HACD1: variants seen among roughly 807,000 people sequenced by gnomAD.
HACD1 encodes the protein very-long-chain (3R)-3-hydroxyacyl-CoA dehydratase 1.
A neutral mutation model predicts 32.0 loss-of-function variants in HACD1; 41 were observed. The ratio of observed to expected loss-of-function variants is 1.28; its 90% CI spans 1.00 to 1.66. HACD1 has a LOEUF of 1.66. Among genes scored for constraint, HACD1 ranks in the 40% most tolerant of loss-of-function variants. The pLI is 0.00. For missense variants in HACD1, 396 were observed against 380.1 expected (o/e 1.04, Z -0.35); for synonymous variants, 142 against 139.0 (o/e 1.02, Z -0.15).
chr10:17,590,825 C>T (rs1833919581), intron 6 of HACD1, among the ~76,000 whole-genome samples: 1 of 152,080 alleles, frequency 6.6e-6, no homozygotes, highest in South Asian at 2.1e-4. Flanking sequence ...GCATGCATCA[C>T]CACCACACCT....
chr10:17,609,856 C>T (rs368282740), intron 1 of HACD1, among the ~76,000 whole-genome samples: 9 of 151,848 alleles, frequency 5.9e-5, no homozygotes, highest in South Asian at 4.2e-4. Flanking sequence ...TGGTGGTGCA[C>T]GCCTGGAGTC....
intron 1 of HACD1, among the ~76,000 whole-genome samples, chr10:17,605,771 T>G (rs1201838466): frequency 6.6e-6 from 1 of 151,526 alleles, no homozygotes; most frequent in Non-Finnish European, 1.5e-5. Context: ...CTGGCCAACA[T>G]AGCAAAACCC....
At chr10:17,592,231 C>T (rs1833938523) in intron 6 of HACD1, among the ~76,000 whole-genome samples, 1 of 151,938 alleles carries the variant, frequency 6.6e-6, no homozygotes, top group African/African-American at 2.4e-5. Flanking sequence ...ATCCTCCCAC[C>T]TTGGCCTCCC....
chr10:17,614,941 A>T (rs879974432), intron 1 of HACD1, among the ~76,000 whole-genome samples: 1 of 151,724 alleles, frequency 6.6e-6, no homozygotes, highest in Non-Finnish European at 1.5e-5. Context: ...TTTAGTAGAG[A>T]CGGGGTTTCG....
Position 17,602,367 on chromosome 10 carries a change from G to A in HACD1, c.483+1193C>T, listed in dbSNP as rs560804018. On this transcript the variant is annotated intron_variant, in intron 4 of 6. Coordinates refer to ENST00000361271, the MANE Select transcript of HACD1 (RefSeq NM_014241.4). ...ATTACAGGCTTGTGCCACCTCGCCC[G>A]GCCCTGTCATGGGTTTAAAATGCCC... is the stretch of plus-strand genomic sequence containing the variant. Among the ~76,000 whole-genome samples, 7 of 152,154 alleles carry A rather than the reference G, an allele frequency of 4.6e-5. No individual in the cohort carries two copies. In the East Asian group the frequency reaches 1.2e-3, roughly 25 times the overall value.
At chr10:17,604,085 T>A in intron 1 of HACD1, 38 bp from the exon 2 acceptor site, 1 of 1,339,796 alleles carries the variant, frequency 7.5e-7, no homozygotes. Context: ...TCTTTCGAAC[T>A]TAATACCACT....
intron 1 of HACD1, among the ~76,000 whole-genome samples, chr10:17,613,729 G>A (rs542790390): frequency 1.3e-5 from 2 of 152,276 alleles, no homozygotes; most frequent in East Asian, 3.9e-4. Flanking sequence ...AGGGTCAGAG[G>A]GACAGAATGG....
At chr10:17,613,536 C>T (rs1554817736) in intron 1 of HACD1, among the ~76,000 whole-genome samples, 1 of 152,174 alleles carries the variant, frequency 6.6e-6, no homozygotes, top group Non-Finnish European at 1.5e-5. Flanking sequence ...CCTGAAATGT[C>T]TACTCTCTAT....
intron 1 of HACD1, among the ~76,000 whole-genome samples, chr10:17,611,004 T>C (rs1554817442): frequency 6.1e-5 from 9 of 147,784 alleles, no homozygotes; most frequent in Non-Finnish European, 3.0e-5. Context: ...CTCTTCTTTT[T>C]TTTTTTTTTT....
intron 1 of HACD1, 81 bp from the exon 2 acceptor site, chr10:17,604,128 T>C: frequency 1.9e-6 from 2 of 1,058,652 alleles, no homozygotes; most frequent in Non-Finnish European, 2.8e-6. Flanking sequence ...GCAGCGTTAT[T>C]CAAAATAGTG....
intron 6 of HACD1, among the ~76,000 whole-genome samples, chr10:17,590,917 C>T (rs1302106803): frequency 6.6e-6 from 1 of 152,140 alleles, no homozygotes; most frequent in Non-Finnish European, 1.5e-5. Context: ...TCAAGTGATC[C>T]GCCTGCCTCG....
At position 17,617,265 on chromosome 10, in the gene HACD1, C is replaced by T; in HGVS notation, c.75G>A (p.Thr25=). 2 of 1,472,902 alleles carry T rather than the reference C, an allele frequency of 1.4e-6. No homozygotes were observed. Among genetic ancestry groups the T allele is most frequent in the South Asian group, 1.3e-5 (1 of 77,832 alleles). 91.2% of individuals were successfully genotyped at this position (1,472,902 alleles called of 1,614,324 possible). A position where few individuals can be genotyped will look rare whatever the true frequency, so the allele number is the denominator to read the frequency against. Residue 25 remains threonine, a synonymous_variant, in exon 1 of 7, where the codon ACG becomes ACA. Transcript: ENST00000361271. ...GGGACGTGGGAGACAGCGGCAGGAGCGTGGGAGGGGACCCTGCCCAGCCTG... is the reference window on the plus strand; with the variant it reads ...GGGACGTGGGAGACAGCGGCAGGAGTGTGGGAGGGGACCCTGCCCAGCCTG... ...RAAGWAGSPP[T]LLPLSPTSPR... is the part of the protein sequence containing the mutation.
At position 17,617,160 on chromosome 10, in the gene HACD1, C is replaced by CT; in HGVS notation, c.179dup (p.Ala61GlyfsTer49). The CT allele has an allele frequency of 1.3e-6, 2 of 1,506,028 alleles. No homozygotes were observed. Among genetic ancestry groups the CT allele is most frequent in the African/African-American group, 2.9e-5 (2 of 69,348 alleles). 93.3% of individuals were successfully genotyped at this position (1,506,028 alleles called of 1,614,324 possible). ...CCAGGCGCCTCCGCTCGCCGGGAGCCTCCCGGTCCTCGCCGGCCTCCGAGG... is the reference window on the plus strand; with the variant it reads ...CCAGGCGCCTCCGCTCGCCGGGAGCCTTCCCGGTCCTCGCCGGCCTCCGAGG... On this transcript the variant is annotated frameshift_variant, in exon 1 of 7. Coordinates refer to ENST00000361271, the MANE Select transcript of HACD1 (RefSeq NM_014241.4). LOFTEE classifies it high-confidence loss of function.
intron 1 of HACD1, among the ~76,000 whole-genome samples, chr10:17,605,834 G>T (rs782591277): frequency 9.9e-5 from 15 of 152,088 alleles, no homozygotes; most frequent in African/African-American, 3.1e-4. Context: ...GGCACCTATA[G>T]TGCCAGCTAC....
chr10:17,604,750 G>A (rs1366029134), intron 1 of HACD1, among the ~76,000 whole-genome samples: 1 of 152,160 alleles, frequency 6.6e-6, no homozygotes, highest in Non-Finnish European at 1.5e-5. Flanking sequence ...CTGTCACCCT[G>A]GCTGAAGGGC....
intron 1 of HACD1, among the ~76,000 whole-genome samples, chr10:17,604,537 T>G (rs937552660): frequency 1.5e-4 from 22 of 151,248 alleles, no homozygotes; most frequent in African/African-American, 5.3e-4. Flanking sequence ...ATATTAGCCT[T>G]AAAAAGAAAA....
chr10:17,595,338 G>C (rs1192893544), intron 5 of HACD1, among the ~76,000 whole-genome samples: 5 of 152,088 alleles, frequency 3.3e-5, no homozygotes, highest in Non-Finnish European at 5.9e-5. Context: ...ATTTTTAAGA[G>C]GCATTTGAAA....
At chr10:17,616,988 C>T in intron 1 of HACD1, 95 bp downstream of exon 1, 1 of 1,250,402 alleles carries the variant, frequency 8.0e-7, no homozygotes, top group East Asian at 3.3e-5. Flanking sequence ...CCGCACCCCC[C>T]GCGCCCCTTA....
At chr10:17,612,424 A>G (rs1832998240) in intron 1 of HACD1, among the ~76,000 whole-genome samples, 1 of 152,192 alleles carries the variant, frequency 6.6e-6, no homozygotes, top group Non-Finnish European at 1.5e-5. Context: ...TCAAATATTT[A>G]TTGAGTACTT....
Sources: gnomAD v4.1 joint callset for allele counts (sites outside exome capture counted in the v4.1 genomes callset) on GRCh38, gnomAD v4.1.1 for gene constraint, MANE v1.5 for transcripts, NCBI Gene and HGNC (gene_info 2026-07-23, HGNC 2026-07-21) for gene names.